Variants in IL16 observed in about 807,000 individuals in gnomAD.
The protein encoded by IL16 is interleukin 16, also known as pro-interleukin-16.
Under a neutral mutation model 110.1 loss-of-function variants are expected in IL16, and 67 were observed. The ratio of observed to expected loss-of-function variants is 0.61; its 90% CI spans 0.50 to 0.75. The LOEUF (loss-of-function observed/expected upper bound fraction) is 0.75, where lower values mean the gene tolerates loss of function less well. Among genes scored for constraint, IL16 ranks in the 30% least tolerant of loss-of-function variants. IL16 has a pLI of 0.00. For missense variants in IL16, 1,545 were observed against 1,655.0 expected, an observed-to-expected ratio of 0.93 and a Z score of 1.15; for synonymous variants, 689 against 662.9, an observed-to-expected ratio of 1.04 and a Z score of -0.61.
chr15:81,196,418 A>T (rs538889539), upstream of IL16, among the ~76,000 whole-genome samples: 1 of 152,066 alleles, frequency 6.6e-6, no homozygotes, highest in African/African-American at 2.4e-5. Context: ...TTAAATTTTT[A>T]TATAATTTGA....
At chr15:81,185,324 C>G (rs915799908) in intron 1 of IL16, among the ~76,000 whole-genome samples, 7 of 151,868 alleles carry the variant, frequency 4.6e-5, no homozygotes, top group Non-Finnish European at 7.4e-5. Flanking sequence ...TTCCCAAACA[C>G]TTGGAATTCA....
chr15:81,267,420 A>G (rs2142223970), intron 4 of IL16, among the ~76,000 whole-genome samples: 1 of 152,288 alleles, frequency 6.6e-6, no homozygotes, highest in South Asian at 2.1e-4. Context: ...AGTTGGAGAC[A>G]GAACCAATAA....
intron 2 of IL16, among the ~76,000 whole-genome samples, chr15:81,254,770 C>G (rs1323194654): frequency 6.6e-6 from 1 of 152,140 alleles, no homozygotes; most frequent in Non-Finnish European, 1.5e-5. Context: ...TGCAGACGTT[C>G]GTGGGGCTCC....
intron 13 of IL16, among the ~76,000 whole-genome samples, chr15:81,298,806 G>A (rs904445627): frequency 6.6e-6 from 1 of 152,248 alleles, no homozygotes; most frequent in Non-Finnish European, 1.5e-5. Context: ...GGAAATGCTG[G>A]CTGGGTGAGA....
intron 2 of IL16, among the ~76,000 whole-genome samples, chr15:81,239,771 CTTTGTTTGTTTG>C (rs71153570): frequency 3.3e-5 from 5 of 150,538 alleles, no homozygotes; most frequent in African/African-American, 9.9e-5. Context: ...ACAGGCTTGT[CTTTGTTTGTTTG>C]TTTGTTTGTT....
At chr15:81,241,867 T>C (rs752261221) in intron 2 of IL16, among the ~76,000 whole-genome samples, 23 of 152,080 alleles carry the variant, frequency 1.5e-4, no homozygotes, top group Non-Finnish European at 2.6e-4. Context: ...CCTTTTCTCC[T>C]ATTTTTTCTA....
chr15:81,293,113 A>G, intron 12 of IL16, 76 bp downstream of exon 12: 2 of 1,466,560 alleles, frequency 1.4e-6, no homozygotes, highest in Non-Finnish European at 1.8e-6. Context: ...TTAGCAAGTT[A>G]GTGTTAGCAG....
At chr15:81,190,070 C>CG (rs1895475971) in intron 1 of IL16, among the ~76,000 whole-genome samples, 1 of 152,188 alleles carries the variant, frequency 6.6e-6, no homozygotes, top group Non-Finnish European at 1.5e-5. Flanking sequence ...CAGGGCATCT[C>CG]GGACATTCTG....
At chr15:81,264,393 C>T (rs1898284603) in intron 3 of IL16, among the ~76,000 whole-genome samples, 1 of 152,166 alleles carries the variant, frequency 6.6e-6, no homozygotes, top group South Asian at 2.1e-4. Context: ...TTCCTCATCC[C>T]CTTTTAGGGA....
chr15:81,300,643 G>C (rs936374889), intron 14 of IL16, among the ~76,000 whole-genome samples, 168 bp downstream of exon 14: 3 of 152,116 alleles, frequency 2.0e-5, no homozygotes, highest in Non-Finnish European at 2.9e-5. Context: ...GAGTGTGTGT[G>C]TGTCTGTCTG....
At chr15:81,239,268 T>C (rs2142094133) in intron 2 of IL16, among the ~76,000 whole-genome samples, 1 of 152,276 alleles carries the variant, frequency 6.6e-6, no homozygotes, top group East Asian at 1.9e-4. Flanking sequence ...AGCCACTCTG[T>C]TTAGGATTAG....
intron 2 of IL16, among the ~76,000 whole-genome samples, chr15:81,251,701 T>C (rs1303404332): frequency 6.6e-6 from 1 of 152,208 alleles, no homozygotes; most frequent in South Asian, 2.1e-4. Context: ...TTAGGGCTCT[T>C]GATAGTCATT....
intron 18 of IL16, chr15:81,306,852 T>C: frequency 2.4e-6 from 1 of 423,888 alleles, no homozygotes; most frequent in South Asian, 2.2e-5. Flanking sequence ...GGGGCAGAAT[T>C]TTAAAGGGGT....
At chr15:81,294,646 G>A (rs186471081) in intron 12 of IL16, among the ~76,000 whole-genome samples, 2 of 152,274 alleles carry the variant, frequency 1.3e-5, no homozygotes, top group African/African-American at 4.8e-5. Flanking sequence ...AGACAAGGCC[G>A]TTCTGCAGCT....
intron 1 of IL16, among the ~76,000 whole-genome samples, chr15:81,198,729 A>G (rs1895689038): frequency 1.1e-5 from 1 of 91,956 alleles, no homozygotes; most frequent in African/African-American, 8.4e-5. Flanking sequence ...CTTTGAATTG[A>G]AATCTACTGG....
In IL16 at chr15:81,269,725, G is replaced by A. The variant is rs1181848890; in HGVS notation, c.675+77G>A. The A allele has an allele frequency of 3.8e-6, 4 of 1,046,402 alleles. No individual in the cohort carries two copies. The East Asian group carries it at 7.1e-5, about 19-fold the overall frequency. The allele number at this position is 1,046,402 out of a possible 1,614,324, so 64.8% of individuals were successfully genotyped here. A position where few individuals can be genotyped will look rare whatever the true frequency, so the allele number is the denominator to read the frequency against. Reference sequence around the variant, plus strand: ...CAAGGAGCTGCTGTGTCCAGGGAAGGATGGGAATAGGACTACTGGGGTGTC... The same window carrying A: ...CAAGGAGCTGCTGTGTCCAGGGAAGAATGGGAATAGGACTACTGGGGTGTC... On this transcript the variant is annotated intron_variant, in intron 5 of 18. Transcript: ENST00000683961.
upstream of IL16, among the ~76,000 whole-genome samples, chr15:81,193,805 A>G (rs1454383311): frequency 6.6e-6 from 1 of 152,184 alleles, no homozygotes; most frequent in African/African-American, 2.4e-5. Flanking sequence ...GGGACGTACA[A>G]TAAAATCATC....
At chr15:81,232,549 A>G (rs202004211) in intron 2 of IL16, among the ~76,000 whole-genome samples, 1 of 151,848 alleles carries the variant, frequency 6.6e-6, no homozygotes, top group African/African-American at 2.4e-5. Context: ...TTTGCCCGCC[A>G]CCCCCACCGC....
At chr15:81,212,318 T>A (rs868234370) in intron 1 of IL16, among the ~76,000 whole-genome samples, 46 of 152,118 alleles carry the variant, frequency 3.0e-4, no homozygotes, top group Admixed American at 3.3e-4. Flanking sequence ...TGAAGAATGT[T>A]TGTTTGTCTG....
Sources: allele counts gnomAD v4.1 joint callset (sites outside exome capture counted in the v4.1 genomes callset), GRCh38; gene constraint gnomAD v4.1.1; transcripts MANE v1.5; gene names NCBI Gene and HGNC (gene_info 2026-07-23, HGNC 2026-07-21).